The following C1QTNF7 variants were observed in gnomAD, a reference collection of about 807,000 sequenced individuals.
The protein encoded by C1QTNF7 is complement C1q tumor necrosis factor-related protein 7.
A neutral mutation model predicts 19.6 loss-of-function variants in C1QTNF7; 15 were observed. The observed-to-expected ratio is 0.76, with a 90% CI of 0.51 to 1.18. C1QTNF7 has a LOEUF of 1.18. Ranked by LOEUF, C1QTNF7 falls within the 50% of genes most tolerant of loss-of-function variation. C1QTNF7 has a pLI of 0.00. For missense variants in C1QTNF7, 324 were observed against 359.7 expected (o/e 0.90, Z 0.80); for synonymous variants, 142 against 137.5 (o/e 1.03, Z -0.23).
chr4:15,372,756 T>G (rs1162463498), intron 1 of C1QTNF7, among the ~76,000 whole-genome samples: 1 of 152,216 alleles, frequency 6.6e-6, no homozygotes, highest in Admixed American at 6.5e-5. Context: ...CGTGGATGCC[T>G]TTCTGTGTGA....
chr4:15,380,543 G>T (rs1258719069), intron 1 of C1QTNF7, among the ~76,000 whole-genome samples: 1 of 152,334 alleles, frequency 6.6e-6, no homozygotes, highest in South Asian at 2.1e-4. Flanking sequence ...CTTTCCATGT[G>T]CATTTTATTG....
chr4:15,399,901 C>T (rs755260838), intron 1 of C1QTNF7, among the ~76,000 whole-genome samples: 4 of 152,162 alleles, frequency 2.6e-5, no homozygotes, highest in Non-Finnish European at 5.9e-5. Context: ...ATCTGTTCTT[C>T]CCAATATTCC....
At position 15,439,797 on chromosome 4, in the gene C1QTNF7, G is replaced by A. The variant is rs570904492; in HGVS notation, c.239-2371G>A. Among the ~76,000 whole-genome samples, 73 of 151,986 alleles carry A rather than the reference G, an allele frequency of 4.8e-4. 1 individual carries two copies. Among genetic ancestry groups the A allele is most frequent in the African/African-American group, 1.7e-3 (71 of 41,464 alleles). ...CAAGCACTATTTGTGAAATAGATTTGGCCATAAAATTGAATGATATCTTTC... is the reference window on the plus strand; with the variant it reads ...CAAGCACTATTTGTGAAATAGATTTAGCCATAAAATTGAATGATATCTTTC... On this transcript the variant is annotated intron_variant, in intron 2 of 2. Coordinates refer to ENST00000444304, the MANE Select transcript of C1QTNF7 (RefSeq NM_031911.5).
At chr4:15,350,189 GGAAGGAAGGGAA>G (rs1202397781) in intron 1 of C1QTNF7, among the ~76,000 whole-genome samples, 2 of 123,678 alleles carry the variant, frequency 1.6e-5, no homozygotes. Flanking sequence ...GAGGCAGGAA[GGAAGGAAGGGAA>G]GAAGGAAGGA....
intron 1 of C1QTNF7, among the ~76,000 whole-genome samples, chr4:15,393,276 T>C (rs1300806237): frequency 6.6e-6 from 1 of 152,138 alleles, no homozygotes; most frequent in Admixed American, 6.5e-5. Flanking sequence ...ATTACCCAGT[T>C]TCAGGTATGT....
intron 2 of C1QTNF7, 135 bp from the exon 3 acceptor site, chr4:15,442,033 G>A: frequency 1.1e-6 from 1 of 884,484 alleles, no homozygotes; most frequent in South Asian, 2.4e-5. Context: ...AAAAAAAAAA[G>A]TTTATTATTT....
At chr4:15,393,181 A>G (rs4411988) in intron 1 of C1QTNF7, among the ~76,000 whole-genome samples, 3,001 of 152,264 alleles carry the variant, frequency 0.02, 91 homozygotes, top group African/African-American at 0.065. Flanking sequence ...GCCATGTAAG[A>G]CATGCCTTTT....
intron 1 of C1QTNF7, among the ~76,000 whole-genome samples, chr4:15,377,261 T>C (rs1717974258): frequency 6.6e-6 from 1 of 152,206 alleles, no homozygotes; most frequent in African/African-American, 2.4e-5. Flanking sequence ...AATTTGTGGA[T>C]TACCCTGTGG....
chr4:15,417,985 C>A (rs2108922906), intron 1 of C1QTNF7, among the ~76,000 whole-genome samples: 1 of 152,262 alleles, frequency 6.6e-6, no homozygotes, highest in South Asian at 2.1e-4. Flanking sequence ...CCAAACACCT[C>A]CTACCAGGCC....
chr4:15,375,247 G>T (rs1304277878), intron 1 of C1QTNF7, among the ~76,000 whole-genome samples: 1 of 152,110 alleles, frequency 6.6e-6, no homozygotes, highest in Non-Finnish European at 1.5e-5. Context: ...AGTGAATATT[G>T]TTCTGTGGAG....
At chr4:15,396,318 G>T (rs1718776991) in intron 1 of C1QTNF7, among the ~76,000 whole-genome samples, 1 of 152,144 alleles carries the variant, frequency 6.6e-6, no homozygotes, top group South Asian at 2.1e-4. Flanking sequence ...CTCTGGCTGT[G>T]CCTTCAAATG....
intron 1 of C1QTNF7, among the ~76,000 whole-genome samples, chr4:15,362,911 T>C (rs1717392835): frequency 6.6e-6 from 1 of 152,158 alleles, no homozygotes; most frequent in Admixed American, 6.5e-5. Context: ...TAAGTAAGTA[T>C]CATCATCATT....
intron 1 of C1QTNF7, among the ~76,000 whole-genome samples, chr4:15,431,480 A>C (rs1169679977): frequency 6.6e-6 from 1 of 152,206 alleles, no homozygotes; most frequent in Non-Finnish European, 1.5e-5. Flanking sequence ...TGAAATGTAC[A>C]TGTATTCCCT....
At chr4:15,429,481 C>T (rs1712210324) in intron 1 of C1QTNF7, among the ~76,000 whole-genome samples, 1 of 152,174 alleles carries the variant, frequency 6.6e-6, no homozygotes, top group South Asian at 2.1e-4. Flanking sequence ...AGAGGAATCA[C>T]ACAATATTTG....
At chr4:15,410,070 C>T (rs758312996) in intron 1 of C1QTNF7, among the ~76,000 whole-genome samples, 35 of 152,124 alleles carry the variant, frequency 2.3e-4, no homozygotes, top group Non-Finnish European at 3.5e-4. Flanking sequence ...GTGCTAATGG[C>T]CAAAATTTCT....
At chr4:15,433,442 C>T (rs535889394) in intron 1 of C1QTNF7, among the ~76,000 whole-genome samples, 1 of 152,172 alleles carries the variant, frequency 6.6e-6, no homozygotes, top group African/African-American at 2.4e-5. Flanking sequence ...TACTTGAACA[C>T]GTTCCCTCCC....
intron 1 of C1QTNF7, among the ~76,000 whole-genome samples, chr4:15,379,906 A>G (rs1275673496): frequency 6.6e-6 from 1 of 152,214 alleles, no homozygotes; most frequent in East Asian, 1.9e-4. Context: ...TGGTGGGGAC[A>G]TGTTGAGTCC....
intron 1 of C1QTNF7, among the ~76,000 whole-genome samples, chr4:15,341,375 G>A (rs975363106): frequency 1.2e-4 from 18 of 152,120 alleles, no homozygotes; most frequent in African/African-American, 4.3e-4. Context: ...TTCTTTCTCT[G>A]TTTCTGGAAT....
At chr4:15,430,204 A>T (rs919348927) in intron 1 of C1QTNF7, among the ~76,000 whole-genome samples, 1 of 152,238 alleles carries the variant, frequency 6.6e-6, no homozygotes, top group Non-Finnish European at 1.5e-5. Context: ...TTTTAAAAAC[A>T]AAAACCTGTT....
Sources: gnomAD v4.1 joint callset for allele counts (sites outside exome capture counted in the v4.1 genomes callset) on GRCh38, gnomAD v4.1.1 for gene constraint, MANE v1.5 for transcripts, NCBI Gene and HGNC (gene_info 2026-07-23, HGNC 2026-07-21) for gene names.